FBXL7: variants seen among roughly 807,000 people sequenced by gnomAD.
The protein encoded by FBXL7 is F-box/LRR-repeat protein 7.
Under a neutral mutation model 38.3 loss-of-function variants are expected in FBXL7, and 12 were observed. The ratio of observed to expected loss-of-function variants is 0.31; its 90% CI spans 0.20 to 0.51. The LOEUF (loss-of-function observed/expected upper bound fraction) is 0.51, where lower values mean the gene tolerates loss of function less well. Among genes scored for constraint, FBXL7 ranks in the 20% least tolerant of loss-of-function variants. The pLI, the probability that FBXL7 is intolerant of heterozygous loss-of-function variation, is 0.98. For missense variants in FBXL7, 567 were observed against 676.4 expected, an observed-to-expected ratio of 0.84 and a Z score of 1.79; for synonymous variants, 297 against 300.9, an observed-to-expected ratio of 0.99 and a Z score of 0.13.
intron 2 of FBXL7, among the ~76,000 whole-genome samples, chr5:15,731,342 T>C (rs964559035): frequency 6.6e-6 from 1 of 152,036 alleles, no homozygotes; most frequent in African/African-American, 2.4e-5. Flanking sequence ...CTTACATGGA[T>C]AGCGACAGGC....
At chr5:15,822,481 T>TAAGC (rs1468220988) in intron 2 of FBXL7, among the ~76,000 whole-genome samples, 1 of 152,176 alleles carries the variant, frequency 6.6e-6, no homozygotes, top group African/African-American at 2.4e-5. Context: ...GAAATTCTTG[T>TAAGC]AAGCCCTGGA....
At chr5:15,612,127 C>A (rs372994833) in intron 1 of FBXL7, among the ~76,000 whole-genome samples, 4 of 151,948 alleles carry the variant, frequency 2.6e-5, no homozygotes, top group Non-Finnish European at 5.9e-5. Flanking sequence ...ATCCACCCCC[C>A]CAAGAAACAA....
rs184645803 is a variant in FBXL7 at position 15,891,430 on chromosome 5, T to C, written c.128-36460T>C. ...GAAATCCCCAATGTAATTTTCTACA[T>C]TTTAGAATCCATCCACTCAACAAAC... On this transcript the variant is annotated intron_variant, in intron 2 of 3. Coordinates refer to ENST00000504595, the MANE Select transcript of FBXL7 (RefSeq NM_012304.5). Among the ~76,000 whole-genome samples the C allele has an allele frequency of 5.1e-3, 783 of 152,316 alleles. 2 individuals carry two copies. Among genetic ancestry groups the C allele is most frequent in the Non-Finnish European group, 8.2e-3 (560 of 68,016 alleles).
chr5:15,932,507 A>G (rs1187970883), intron 3 of FBXL7, among the ~76,000 whole-genome samples: 2 of 152,304 alleles, frequency 1.3e-5, no homozygotes, highest in African/African-American at 2.4e-5. Context: ...TATGTTGTCT[A>G]TTCCCTACTG....
intron 2 of FBXL7, among the ~76,000 whole-genome samples, chr5:15,739,981 G>C (rs867575359): frequency 6.6e-6 from 1 of 152,084 alleles, no homozygotes; most frequent in Non-Finnish European, 1.5e-5. Flanking sequence ...CACCACAAAG[G>C]CTGCTCAATT....
intron 1 of FBXL7, among the ~76,000 whole-genome samples, chr5:15,520,826 G>C (rs1477166837): frequency 1.3e-5 from 2 of 152,258 alleles, no homozygotes; most frequent in South Asian, 4.1e-4. Flanking sequence ...TAAAATTAAA[G>C]TGTCATTTGT....
intron 2 of FBXL7, 34 bp downstream of exon 2, chr5:15,616,106 C>T (rs974524329): frequency 4.1e-6 from 6 of 1,451,934 alleles, no homozygotes; most frequent in South Asian, 3.4e-5. Context: ...TCTCTTTCTT[C>T]TTCACAGGGC....
In FBXL7 at chr5:15,746,566, G is replaced by A. The variant is rs568985316; in HGVS notation, c.127+130494G>A. ...AGGAGTGAGGGATTTCTCTGTGGTCGCTAATCTCATTCATGAAGGCTCCAC... is the reference window on the plus strand; with the variant it reads ...AGGAGTGAGGGATTTCTCTGTGGTCACTAATCTCATTCATGAAGGCTCCAC... On this transcript the variant is annotated intron_variant, in intron 2 of 3. Coordinates refer to ENST00000504595, the MANE Select transcript of FBXL7 (RefSeq NM_012304.5). Among the ~76,000 whole-genome samples the A allele has an allele frequency of 1.1e-4, 17 of 151,934 alleles. No homozygotes were observed. The East Asian group carries it at 2.1e-3, about 19-fold the overall frequency.
chr5:15,906,354 G>C lies in FBXL7; in HGVS notation c.128-21536G>C, dbSNP rs549790540. 6.0e-5 allele frequency among the ~76,000 whole-genome samples: 9 copies of C among 151,208 alleles called. No individual in the cohort carries two copies. In the East Asian group the frequency reaches 1.6e-3, roughly 26 times the overall value. Reference sequence around the variant, plus strand: ...AGAGAAACATGACTCAGAAATTATAGGCTGTTGAGATATGGGTGCTTTGCA... The same window carrying C: ...AGAGAAACATGACTCAGAAATTATACGCTGTTGAGATATGGGTGCTTTGCA... On this transcript the variant is annotated intron_variant, in intron 2 of 3. Coordinates refer to ENST00000504595, the MANE Select transcript of FBXL7 (RefSeq NM_012304.5).
intron 1 of FBXL7, among the ~76,000 whole-genome samples, chr5:15,504,884 T>C (rs997055430): frequency 2.0e-5 from 3 of 152,136 alleles, no homozygotes; most frequent in Non-Finnish European, 2.9e-5. Flanking sequence ...GTGGTTTCAG[T>C]GTCTTGTTTA....
chr5:15,674,614 G>A (rs1159668526), intron 2 of FBXL7, among the ~76,000 whole-genome samples: 1 of 151,974 alleles, frequency 6.6e-6, no homozygotes, highest in Non-Finnish European at 1.5e-5. Flanking sequence ...TTACTGTTTG[G>A]GTTAGGAGTT....
intron 1 of FBXL7, among the ~76,000 whole-genome samples, chr5:15,545,340 G>A (rs181865911): frequency 3.4e-4 from 52 of 152,258 alleles, no homozygotes; most frequent in African/African-American, 8.4e-4. Context: ...TTTTATTAGC[G>A]TATCTATTTG....
At chr5:15,868,710 G>A (rs749554006) in intron 2 of FBXL7, among the ~76,000 whole-genome samples, 7 of 152,036 alleles carry the variant, frequency 4.6e-5, no homozygotes, top group East Asian at 1.9e-4. Context: ...GGATCTCCCC[G>A]CAGATGTCTA....
intron 2 of FBXL7, among the ~76,000 whole-genome samples, chr5:15,758,449 T>C (rs1354952366): frequency 1.3e-5 from 2 of 152,072 alleles, no homozygotes; most frequent in Non-Finnish European, 2.9e-5. Flanking sequence ...AGGAACATTT[T>C]TATCCAGCCC....
intron 2 of FBXL7, among the ~76,000 whole-genome samples, chr5:15,755,207 G>A (rs941990140): frequency 3.9e-5 from 6 of 152,166 alleles, no homozygotes; most frequent in African/African-American, 1.4e-4. Context: ...CAGCTCAGGA[G>A]AAATTAAATT....
At chr5:15,776,461 G>T (rs936737180) in intron 2 of FBXL7, among the ~76,000 whole-genome samples, 49 of 152,094 alleles carry the variant, frequency 3.2e-4, no homozygotes, top group Admixed American at 1.3e-4. Flanking sequence ...ACATGATCTG[G>T]GTTGGCAACC....
chr5:15,509,413 T>C (rs2126353401), intron 1 of FBXL7, among the ~76,000 whole-genome samples: 1 of 152,318 alleles, frequency 6.6e-6, no homozygotes, highest in East Asian at 1.9e-4. Flanking sequence ...GCCAGTGATT[T>C]CCAAACAAGA....
At chr5:15,834,998 T>C (rs1738557670) in intron 2 of FBXL7, among the ~76,000 whole-genome samples, 1 of 152,232 alleles carries the variant, frequency 6.6e-6, no homozygotes, top group South Asian at 2.1e-4. Flanking sequence ...TCCTTCCAAG[T>C]AATGAGCTGG....
intron 1 of FBXL7, among the ~76,000 whole-genome samples, chr5:15,550,049 A>G (rs760396838): frequency 6.6e-6 from 1 of 152,204 alleles, no homozygotes; most frequent in Non-Finnish European, 1.5e-5. Flanking sequence ...TTTAGATAGT[A>G]TGTTGCTGAA....
Sources: gnomAD v4.1 joint callset for allele counts (sites outside exome capture counted in the v4.1 genomes callset) on GRCh38, gnomAD v4.1.1 for gene constraint, MANE v1.5 for transcripts, NCBI Gene and HGNC (gene_info 2026-07-23, HGNC 2026-07-21) for gene names.